ITGA9: variants seen among roughly 807,000 people sequenced by gnomAD.
ITGA9 encodes the protein integrin subunit alpha 9.
ITGA9 carries 56 observed loss-of-function variants against 127.8 expected under a neutral mutation model. The observed-to-expected ratio is 0.44, with a 90% CI of 0.35 to 0.55. The LOEUF is 0.55. ITGA9 is among the 20% of genes least tolerant of loss of function. The pLI is 0.00. For synonymous variants in ITGA9, 508 were observed against 514.5 expected (o/e 0.99, Z 0.17); for missense variants, 1,196 against 1,347.1 (o/e 0.89, Z 1.76).
intron 22 of ITGA9, 62 bp downstream of exon 22, chr3:37,744,096 T>A (rs1696471718): frequency 9.1e-7 from 1 of 1,104,272 alleles, no homozygotes; most frequent in African/African-American, 1.5e-5. Flanking sequence ...ATGGGATGTC[T>A]CTCCTACAGA....
At chr3:37,682,256 G>T (rs544201774) in intron 17 of ITGA9, among the ~76,000 whole-genome samples, 86 of 152,292 alleles carry the variant, frequency 5.6e-4, no homozygotes, top group African/African-American at 1.9e-3. Flanking sequence ...ACTCTCTCCA[G>T]TTAGGCTTTC....
intron 10 of ITGA9, among the ~76,000 whole-genome samples, chr3:37,518,724 T>A (rs1699012304): frequency 6.6e-6 from 1 of 150,422 alleles, no homozygotes; most frequent in Admixed American, 6.7e-5. Flanking sequence ...GTAGAAACTT[T>A]TTTGGAACTA....
chr3:37,682,979 C>T (rs1211475217), intron 17 of ITGA9, among the ~76,000 whole-genome samples: 2 of 152,188 alleles, frequency 1.3e-5, no homozygotes, highest in African/African-American at 4.8e-5. Context: ...CACATCATAG[C>T]CAATGCGAGC....
chr3:37,629,842 G>A lies in ITGA9; in HGVS notation c.1839+506G>A, dbSNP rs1700212665. Reference sequence around the variant, plus strand: ...ACACTCATCAGATTCTGGGATGTGCGGCTGTGTAGAGAAGCTTTAGTGCGA... The same window carrying A: ...ACACTCATCAGATTCTGGGATGTGCAGCTGTGTAGAGAAGCTTTAGTGCGA... On this transcript the variant is annotated intron_variant, in intron 16 of 27. Transcript: ENST00000264741. This position sits in a 1 kb window ranked among gnomAD's most constrained non-coding sequence, Gnocchi z 4.5. Among the ~76,000 whole-genome samples the A allele has an allele frequency of 6.6e-6, 1 of 152,192 alleles. No homozygotes were observed. The highest frequency in any genetic ancestry group is 1.9e-4 in the East Asian group (1 of 5,198).
intron 27 of ITGA9, 104 bp downstream of exon 27, chr3:37,804,046 G>A: frequency 6.5e-7 from 1 of 1,533,656 alleles, no homozygotes; most frequent in Non-Finnish European, 9.0e-7. Flanking sequence ...CTTCCTTCAT[G>A]GCACCGGTAC....
At chr3:37,578,785 C>T (rs1251079331) in intron 15 of ITGA9, among the ~76,000 whole-genome samples, 1 of 151,820 alleles carries the variant, frequency 6.6e-6, no homozygotes. Context: ...ATCCAGGTCC[C>T]CAAGAGGGCT....
intron 26 of ITGA9, among the ~76,000 whole-genome samples, chr3:37,801,615 A>T (rs1271306464): frequency 6.6e-6 from 1 of 152,184 alleles, no homozygotes; most frequent in Non-Finnish European, 1.5e-5. Context: ...CACCTGGGTG[A>T]CAGAGAGAAA....
At chr3:37,625,978 C>T (rs1700172584) in intron 15 of ITGA9, among the ~76,000 whole-genome samples, 1 of 152,130 alleles carries the variant, frequency 6.6e-6, no homozygotes, top group Non-Finnish European at 1.5e-5. Context: ...GCAGCCATTG[C>T]CAGGAAGCAG....
At chr3:37,503,837 G>A (rs1183280742) in intron 6 of ITGA9, among the ~76,000 whole-genome samples, 1 of 152,210 alleles carries the variant, frequency 6.6e-6, no homozygotes, top group Non-Finnish European at 1.5e-5. Flanking sequence ...ATTTAATGTA[G>A]CTATCAGGCA....
In ITGA9 at chr3:37,816,238, G is replaced by C. The variant is rs1697431163; in HGVS notation, c.3010-2653G>C. Among the ~76,000 whole-genome samples, 3 of 152,210 alleles carry C rather than the reference G, an allele frequency of 2.0e-5. No individual in the cohort carries two copies. The South Asian group carries it at 6.2e-4, about 31-fold the overall frequency. ...ACTGGGGATTGAAAGCACAAAGCCT[G>C]CCTTCAAAGAGTCCTAAGACAAATG... On this transcript the variant is annotated intron_variant, in intron 27 of 27. Coordinates refer to ENST00000264741, the MANE Select transcript of ITGA9 (RefSeq NM_002207.3).
intron 3 of ITGA9, among the ~76,000 whole-genome samples, chr3:37,480,165 T>G (rs1698537761): frequency 6.6e-6 from 1 of 151,778 alleles, no homozygotes; most frequent in Non-Finnish European, 1.5e-5. Context: ...CAGTGACATC[T>G]GGATGTGCAG....
chr3:37,563,601 C>G (rs1699517008), intron 15 of ITGA9, among the ~76,000 whole-genome samples: 1 of 152,218 alleles, frequency 6.6e-6, no homozygotes, highest in Admixed American at 6.5e-5. Context: ...CTGTCACTAC[C>G]ATGCTGCAGT....
chr3:37,575,533 G>T (rs1414899986), intron 15 of ITGA9, among the ~76,000 whole-genome samples: 3 of 152,130 alleles, frequency 2.0e-5, no homozygotes, highest in Non-Finnish European at 4.4e-5. Flanking sequence ...ACAGCCCTGG[G>T]AAGTGTGTGC....
chr3:37,787,013 A>G (rs558713611), intron 26 of ITGA9, among the ~76,000 whole-genome samples: 2 of 152,212 alleles, frequency 1.3e-5, no homozygotes, highest in African/African-American at 4.8e-5. Flanking sequence ...ACTTAGGGTC[A>G]GTTTTTCTGG....
intron 27 of ITGA9, among the ~76,000 whole-genome samples, chr3:37,813,977 TTC>T (rs1261894524): frequency 1.3e-5 from 2 of 152,270 alleles, no homozygotes; most frequent in African/African-American, 2.4e-5. Flanking sequence ...TATTATTAAA[TTC>T]TGTTTTATTT....
intron 18 of ITGA9, among the ~76,000 whole-genome samples, chr3:37,696,683 GCC>G (rs1290836464): frequency 2.0e-5 from 3 of 152,166 alleles, no homozygotes; most frequent in Non-Finnish European, 2.9e-5. Flanking sequence ...AATTCAACCA[GCC>G]CAGCATAGTT....
intron 16 of ITGA9, among the ~76,000 whole-genome samples, chr3:37,638,955 G>A (rs1157307698): frequency 2.0e-5 from 3 of 152,232 alleles, no homozygotes; most frequent in Non-Finnish European, 4.4e-5. Context: ...AGTCCTGGGA[G>A]AAGACGGGTT....
At chr3:37,555,528 T>C (rs1468267625) in intron 15 of ITGA9, among the ~76,000 whole-genome samples, 1 of 152,164 alleles carries the variant, frequency 6.6e-6, no homozygotes, top group Non-Finnish European at 1.5e-5. Flanking sequence ...ATATTGAAGT[T>C]TGATTTTTAA....
intron 1 of ITGA9, among the ~76,000 whole-genome samples, chr3:37,466,483 CAAAAAAAAAAAAAAAA>C (rs60980366): frequency 7.7e-5 from 2 of 26,066 alleles, no homozygotes; most frequent in Admixed American, 8.1e-4. Flanking sequence ...GACACCATCT[CAAAAAAAAAAAAAAAA>C]AAAAAAAAAA....
Sources: gnomAD v4.1 joint callset for allele counts (sites outside exome capture counted in the v4.1 genomes callset) on GRCh38, gnomAD v4.1.1 for gene constraint, Gnocchi (gnomAD v3.1) non-coding constraint, MANE v1.5 for transcripts, NCBI Gene and HGNC (gene_info 2026-07-23, HGNC 2026-07-21) for gene names.